The following FARS2 variants were observed in gnomAD, a reference collection of about 807,000 sequenced individuals.
The protein encoded by FARS2 is phenylalanine--tRNA ligase, mitochondrial.
A neutral mutation model predicts 46.4 loss-of-function variants in FARS2; 40 were observed. The ratio of observed to expected loss-of-function variants is 0.86; its 90% confidence interval spans 0.67 to 1.12. The LOEUF (loss-of-function observed/expected upper bound fraction) is 1.12, where lower values mean the gene tolerates loss of function less well. Ranked by LOEUF, FARS2 falls within the 50% of genes most tolerant of loss-of-function variation. The pLI is 0.00. For synonymous variants in FARS2, 234 were observed against 214.9 expected (o/e 1.09, Z -0.78); for missense variants, 513 against 567.9 (o/e 0.90, Z 0.98).
At chr6:5,756,949 G>A (rs1010889195) in intron 6 of FARS2, among the ~76,000 whole-genome samples, 1 of 152,162 alleles carries the variant, frequency 6.6e-6, no homozygotes, top group Non-Finnish European at 1.5e-5. Context: ...AAGCAATGGG[G>A]CCTAAAAATG....
chr6:5,674,893 A>T (rs1207111668), intron 6 of FARS2, among the ~76,000 whole-genome samples: 3 of 152,198 alleles, frequency 2.0e-5, no homozygotes, highest in Non-Finnish European at 4.4e-5. Flanking sequence ...TACAAATGAA[A>T]CCATTGAGAC....
chr6:5,629,764 T>C (rs1358890340), intron 6 of FARS2, among the ~76,000 whole-genome samples: 1 of 151,958 alleles, frequency 6.6e-6, no homozygotes, highest in East Asian at 1.9e-4. Flanking sequence ...GATGAGAGTC[T>C]GGGCTGAGTT....
chr6:5,275,975 T>C (rs1433731088), intron 1 of FARS2, among the ~76,000 whole-genome samples: 1 of 152,212 alleles, frequency 6.6e-6, no homozygotes, highest in Non-Finnish European at 1.5e-5. Context: ...TGTTTTTATT[T>C]TCTGCTTTTG....
chr6:5,295,465 C>T (rs181872378), intron 1 of FARS2, among the ~76,000 whole-genome samples: 2 of 151,958 alleles, frequency 1.3e-5, no homozygotes, highest in Non-Finnish European at 2.9e-5. Flanking sequence ...GCTAGCTGAA[C>T]TCTCCTTTTG....
At chr6:5,381,198 C>T (rs1436174390) in intron 2 of FARS2, among the ~76,000 whole-genome samples, 2 of 151,876 alleles carry the variant, frequency 1.3e-5, no homozygotes, top group African/African-American at 2.4e-5. Flanking sequence ...GACTAAAAAT[C>T]CTGTTAGCCA....
intron 5 of FARS2, among the ~76,000 whole-genome samples, chr6:5,611,087 C>A (rs926040686): frequency 1.3e-5 from 2 of 151,752 alleles, no homozygotes; most frequent in Non-Finnish European, 1.5e-5. Context: ...GAGATGCACA[C>A]CCCACCCTCA....
intron 4 of FARS2, among the ~76,000 whole-genome samples, chr6:5,501,401 C>T (rs926893018): frequency 1.3e-5 from 2 of 152,186 alleles, no homozygotes; most frequent in South Asian, 2.1e-4. Context: ...GGTGACTACA[C>T]AGCTCAGTTT....
intron 4 of FARS2, among the ~76,000 whole-genome samples, chr6:5,497,157 T>G (rs1158420190): frequency 6.6e-6 from 1 of 152,194 alleles, no homozygotes; most frequent in African/African-American, 2.4e-5. Flanking sequence ...AAATCCCTAC[T>G]TATAAGAATG....
At chr6:5,675,240 G>T (rs1778703481) in intron 6 of FARS2, among the ~76,000 whole-genome samples, 1 of 141,294 alleles carries the variant, frequency 7.1e-6, no homozygotes, top group Non-Finnish European at 1.5e-5. Context: ...ACACACACAC[G>T]GTGCTATGTA....
intron 1 of FARS2, among the ~76,000 whole-genome samples, chr6:5,339,701 G>A (rs1470726434): frequency 6.6e-6 from 1 of 152,164 alleles, no homozygotes; most frequent in African/African-American, 2.4e-5. Context: ...TGCCACAGTG[G>A]TGGGATTACA....
At chr6:5,718,534 C>A (rs1489812379) in intron 6 of FARS2, among the ~76,000 whole-genome samples, 14 of 152,220 alleles carry the variant, frequency 9.2e-5, no homozygotes, top group African/African-American at 3.4e-4. Flanking sequence ...CCGGGTGAAA[C>A]AGGCTGTAAC....
intron 4 of FARS2, among the ~76,000 whole-genome samples, chr6:5,470,414 G>A (rs1765747196): frequency 6.6e-6 from 1 of 152,152 alleles, no homozygotes; most frequent in Admixed American, 6.5e-5. Context: ...TTTGCAGGGT[G>A]TCCTGGAACC....
intron 1 of FARS2, among the ~76,000 whole-genome samples, chr6:5,312,603 G>A (rs1249539862): frequency 3.3e-5 from 5 of 152,220 alleles, no homozygotes; most frequent in African/African-American, 9.6e-5. Context: ...TATTCCCAGT[G>A]TGTGTTAGAA....
At chr6:5,606,302 A>G (rs950927943) in intron 5 of FARS2, among the ~76,000 whole-genome samples, 2 of 152,194 alleles carry the variant, frequency 1.3e-5, no homozygotes, top group African/African-American at 4.8e-5. Flanking sequence ...GGAAAGATAG[A>G]TTACCTGTGA....
chr6:5,530,090 G>C (rs980209217), intron 4 of FARS2, among the ~76,000 whole-genome samples: 1 of 152,176 alleles, frequency 6.6e-6, no homozygotes, highest in African/African-American at 2.4e-5. Flanking sequence ...TTTTGGGGTG[G>C]TTGGTTTTAC....
chr6:5,714,978 T>G (rs1247520454), intron 6 of FARS2, among the ~76,000 whole-genome samples: 2 of 152,114 alleles, frequency 1.3e-5, no homozygotes, highest in African/African-American at 4.8e-5. Context: ...TGAGTGGAGA[T>G]CGCGCCACTG....
At chr6:5,717,569 G>A (rs1296312440) in intron 6 of FARS2, among the ~76,000 whole-genome samples, 1 of 151,968 alleles carries the variant, frequency 6.6e-6, no homozygotes, top group Non-Finnish European at 1.5e-5. Context: ...GAATCTAGAG[G>A]CTTGATCAGA....
At chr6:5,426,840 G>A (rs756804369) in intron 3 of FARS2, among the ~76,000 whole-genome samples, 1 of 152,118 alleles carries the variant, frequency 6.6e-6, no homozygotes, top group Admixed American at 6.5e-5. Flanking sequence ...TGGCAAGGCT[G>A]GTCTCGAACT....
intron 4 of FARS2, among the ~76,000 whole-genome samples, chr6:5,483,168 G>A (rs957358639): frequency 1.3e-5 from 2 of 152,192 alleles, no homozygotes; most frequent in African/African-American, 2.4e-5. Flanking sequence ...ATTTCTAAAA[G>A]TATTCAGTGC....
Sources: allele counts gnomAD v4.1 joint callset (sites outside exome capture counted in the v4.1 genomes callset), GRCh38; gene constraint gnomAD v4.1.1; transcripts MANE v1.5; gene names NCBI Gene and HGNC (gene_info 2026-07-23, HGNC 2026-07-21).